GRSF1: variants seen among roughly 807,000 people sequenced by gnomAD.
The protein encoded by GRSF1 is G-rich sequence factor 1.
A neutral mutation model predicts 51.1 loss-of-function variants in GRSF1; 50 were observed. That is an observed-to-expected ratio of 0.98 (90% CI 0.78 to 1.24). The LOEUF is 1.24. GRSF1 is among the 50% of genes most tolerant of loss of function. The pLI, the probability that GRSF1 is intolerant of heterozygous loss-of-function variation, is 0.00. For missense variants in GRSF1, 700 were observed against 639.7 expected, an observed-to-expected ratio of 1.09 and a Z score of -1.02; for synonymous variants, 293 against 253.3, an observed-to-expected ratio of 1.16 and a Z score of -1.49.
At chr4:70,825,074 C>T (rs1301254605) in intron 8 of GRSF1, among the ~76,000 whole-genome samples, 4 of 151,158 alleles carry the variant, frequency 2.6e-5, no homozygotes, top group South Asian at 2.1e-4. Flanking sequence ...TGCACTCCAG[C>T]GTGGGTGACA....
At chr4:70,839,027 C>A in intron 1 of GRSF1, 1 of 769,646 alleles carries the variant, frequency 1.3e-6, no homozygotes, top group African/African-American at 1.8e-5. Context: ...AGCGGCCGAC[C>A]GAGAGGCGCC....
At chr4:70,835,832 T>G (rs966296421) in intron 2 of GRSF1, among the ~76,000 whole-genome samples, 1 of 152,174 alleles carries the variant, frequency 6.6e-6, no homozygotes, top group Non-Finnish European at 1.5e-5. Context: ...TGTTGCCCAG[T>G]GTGGTATGGA....
intron 8 of GRSF1, among the ~76,000 whole-genome samples, chr4:70,824,697 C>T (rs1415117492): frequency 2.0e-5 from 3 of 152,136 alleles, no homozygotes; most frequent in African/African-American, 4.8e-5. Flanking sequence ...GCAGGACAAT[C>T]ACTTGAACCC....
Position 70,839,865 on chromosome 4 carries a change from TC to T in GRSF1, c.-39del. On this transcript the variant is annotated 5_prime_UTR_variant, in exon 1 of 10. Transcript: ENST00000254799. ...CGGCGCAGGGCCTGAAGGCAGCTGCTCCAGCAGCGATGGTGGAACGGAAGTG... is the reference window on the plus strand; with the variant it reads ...CGGCGCAGGGCCTGAAGGCAGCTGCTCAGCAGCGATGGTGGAACGGAAGTG... 1 of 1,439,778 alleles carries T rather than the reference TC, an allele frequency of 6.9e-7. No homozygotes were observed. Among genetic ancestry groups the T allele is most frequent in the Non-Finnish European group, 9.1e-7 (1 of 1,104,890 alleles). 89.2% of individuals were successfully genotyped at this position (1,439,778 alleles called of 1,614,324 possible).
intron 9 of GRSF1, among the ~76,000 whole-genome samples, chr4:70,823,439 T>A (rs982103890): frequency 2.0e-5 from 3 of 148,884 alleles, no homozygotes; most frequent in Non-Finnish European, 4.4e-5. Flanking sequence ...TTAAAAAAAA[T>A]GAAAAAATAT....
chr4:70,829,836 T>A (rs1733887998), intron 5 of GRSF1, among the ~76,000 whole-genome samples: 1 of 151,978 alleles, frequency 6.6e-6, no homozygotes, highest in Admixed American at 6.6e-5. Flanking sequence ...ACCACTTCTA[T>A]CAGTAGATCC....
At chr4:70,830,139 A>C (rs1263278309) in intron 5 of GRSF1, among the ~76,000 whole-genome samples, 5 of 152,098 alleles carry the variant, frequency 3.3e-5, no homozygotes. Context: ...AGTTCAAGAG[A>C]ATCAGTGGTC....
At chr4:70,836,915 C>T (rs984136216) in intron 1 of GRSF1, among the ~76,000 whole-genome samples, 5 of 152,184 alleles carry the variant, frequency 3.3e-5, no homozygotes, top group Non-Finnish European at 7.3e-5. Context: ...TTAATTCCAA[C>T]TGTTTAAATT....
chr4:70,831,974 G>A (rs566567827), intron 4 of GRSF1, among the ~76,000 whole-genome samples: 1 of 149,030 alleles, frequency 6.7e-6, no homozygotes, highest in East Asian at 2.0e-4. Context: ...AGACTTCACT[G>A]CTAATGGTTC....
At chr4:70,835,126 A>G (rs1734144807) in intron 2 of GRSF1, among the ~76,000 whole-genome samples, 1 of 150,764 alleles carries the variant, frequency 6.6e-6, no homozygotes, top group Admixed American at 6.6e-5. Context: ...ACATAATCTC[A>G]CTCTTTGTTA....
Position 70,832,369 on chromosome 4 carries a change from A to G in GRSF1, c.752T>C (p.Val251Ala), listed in dbSNP as rs375728147. The G allele has an allele frequency of 3.0e-5, 49 of 1,612,720 alleles. No homozygotes were observed. Among genetic ancestry groups the G allele is most frequent in the Non-Finnish European group, 4.1e-5 (48 of 1,178,906 alleles). ...ATAAGGAAGTCCTCTCAAACGAACC[A>G]CACCATCATTTACCACAGGCGAAGA... ...VKSSPVVNDG[V>A]VRLRGLPYSC... Residue 251 changes from valine (V) to alanine (A), a missense_variant, in exon 4 of 10, where the codon GTG becomes GCG. By Grantham distance (64) the Val-to-Ala change is moderately conservative (BLOSUM62 0). Transcript: ENST00000254799.
intron 8 of GRSF1, among the ~76,000 whole-genome samples, chr4:70,824,976 C>T (rs1348083034): frequency 6.6e-6 from 1 of 152,050 alleles, no homozygotes; most frequent in African/African-American, 2.4e-5. Context: ...GTGCCAGGCA[C>T]CTGTAATCCC....
At chr4:70,840,008 CGCCCTTGGGCGGGGCT>C (rs1734406610), upstream of GRSF1, 1 of 541,450 alleles carries the variant, frequency 1.8e-6, no homozygotes, top group Non-Finnish European at 3.1e-6. Context: ...GCCCAGTCTC[CGCCCTTGGGCGGGGCT>C]GCCCATGGTT....
chr4:70,833,655 T>A (rs997695832), intron 2 of GRSF1, among the ~76,000 whole-genome samples: 1 of 152,200 alleles, frequency 6.6e-6, no homozygotes, highest in Non-Finnish European at 1.5e-5. Context: ...CTAAAATATT[T>A]CCTGTATGAG....
chr4:70,832,380 T>G lies in GRSF1; in HGVS notation c.741A>C (p.Val247=). Reference sequence around the variant, plus strand: ...CTCTCAAACGAACCACACCATCATTTACCACAGGCGAAGATTTGACCTGCA... The same window carrying G: ...CTCTCAAACGAACCACACCATCATTGACCACAGGCGAAGATTTGACCTGCA... ...KSLQVKSSPV[V]NDGVVRLRGL... is the part of the protein sequence containing the mutation. Residue 247 remains valine (V), a synonymous_variant, in exon 4 of 10, where the codon GTA becomes GTC. Coordinates refer to ENST00000254799, the MANE Select transcript of GRSF1 (RefSeq NM_002092.4). The G allele has an allele frequency of 6.2e-7, 1 of 1,611,936 alleles. No homozygotes were observed. Among genetic ancestry groups the G allele is most frequent in the Non-Finnish European group, 8.5e-7 (1 of 1,178,300 alleles).
intron 2 of GRSF1, 40 bp downstream of exon 2, chr4:70,836,118 A>C: frequency 8.3e-7 from 1 of 1,210,728 alleles, no homozygotes; most frequent in Non-Finnish European, 1.1e-6. Context: ...AAACAATATA[A>C]GGAAAAAAAA....
At chr4:70,827,689 G>GA in intron 6 of GRSF1, among the ~76,000 whole-genome samples, 163 bp downstream of exon 6, 1 of 151,992 alleles carries the variant, frequency 6.6e-6, no homozygotes, top group East Asian at 1.9e-4. Flanking sequence ...TGAGGCAGGA[G>GA]AATCACTTGA....
Position 70,839,850 on chromosome 4 carries a change from C to T in GRSF1, c.-23G>A, listed in dbSNP as rs555282573. On this transcript the variant is annotated 5_prime_UTR_variant, in exon 1 of 10. Transcript: ENST00000254799. ...CATGGACTCCGGAGGCGGCGCAGGG[C>T]CTGAAGGCAGCTGCTCCAGCAGCGA... 2 of 1,469,122 alleles carry T rather than the reference C, an allele frequency of 1.4e-6. No individual in the cohort carries two copies. The highest frequency in any genetic ancestry group is 2.4e-5 in the Admixed American group (1 of 40,842). 91.0% of individuals were successfully genotyped at this position (1,469,122 alleles called of 1,614,324 possible). A position where few individuals can be genotyped will look rare whatever the true frequency, so the allele number is the denominator to read the frequency against.
At chr4:70,829,723 T>C (rs1052457094) in intron 5 of GRSF1, among the ~76,000 whole-genome samples, 3 of 152,146 alleles carry the variant, frequency 2.0e-5, no homozygotes, top group Non-Finnish European at 4.4e-5. Context: ...CAGGACTGCT[T>C]GAGCCCAGAA....
Sources: gnomAD v4.1 joint callset for allele counts (sites outside exome capture counted in the v4.1 genomes callset) on GRCh38, gnomAD v4.1.1 for gene constraint, MANE v1.5 for transcripts, NCBI Gene and HGNC (gene_info 2026-07-23, HGNC 2026-07-21) for gene names.